Variants in PLCH1 observed in about 807,000 individuals in gnomAD.
PLCH1 encodes phospholipase C eta 1, also known as 1-phosphatidylinositol 4,5-bisphosphate phosphodiesterase eta-1.
In PLCH1, 60 loss-of-function variants were observed where a neutral mutation model predicts 126.7. The observed-to-expected ratio is 0.47, with a 90% CI of 0.38 to 0.59. The LOEUF is 0.59. Ranked by LOEUF, PLCH1 falls within the 20% of genes least tolerant of loss-of-function variation. The probability of loss-of-function intolerance (pLI) is 0.00; values close to 1 mark genes in which losing one functional copy is unlikely to be tolerated. For missense variants in PLCH1, 1,723 were observed against 2,040.0 expected, an observed-to-expected ratio of 0.84 and a Z score of 2.99; for synonymous variants, 719 against 734.9, an observed-to-expected ratio of 0.98 and a Z score of 0.35.
intron 21 of PLCH1, among the ~76,000 whole-genome samples, chr3:155,455,777 C>A (rs1449265374): frequency 2.6e-5 from 4 of 152,166 alleles, no homozygotes; most frequent in African/African-American, 7.2e-5. Context: ...ACACTTTCTC[C>A]AATTTTGTTT....
chr3:155,610,385 AAAAAC>A (rs1482359490), intron 2 of PLCH1, among the ~76,000 whole-genome samples: 5 of 150,246 alleles, frequency 3.3e-5, no homozygotes, highest in African/African-American at 9.8e-5. Flanking sequence ...AAAAAAAAAA[AAAAAC>A]CATCACCTAG....
intron 2 of PLCH1, among the ~76,000 whole-genome samples, chr3:155,652,206 A>G (rs1009338409): frequency 1.3e-5 from 2 of 152,198 alleles, no homozygotes; most frequent in South Asian, 4.1e-4. Context: ...TTAATCACTC[A>G]TGCTACTGGA....
intron 10 of PLCH1, among the ~76,000 whole-genome samples, chr3:155,528,548 C>A (rs1480555813): frequency 6.6e-6 from 1 of 152,168 alleles, no homozygotes; most frequent in Non-Finnish European, 1.5e-5. Flanking sequence ...TGAAACTGTA[C>A]ACAAGACATT....
intron 12 of PLCH1, among the ~76,000 whole-genome samples, chr3:155,513,065 AC>A (rs1312619421): frequency 6.6e-6 from 1 of 152,152 alleles, no homozygotes; most frequent in Non-Finnish European, 1.5e-5. Flanking sequence ...ACAAGTAGAA[AC>A]CAGTCCTGCA....
intron 11 of PLCH1, among the ~76,000 whole-genome samples, chr3:155,521,941 C>T (rs73011590): frequency 0.081 from 12,288 of 152,206 alleles, 1,109 homozygotes; most frequent in African/African-American, 0.23. Context: ...AATCATGTTC[C>T]AAACCATCTC....
At chr3:155,560,852 T>C (rs2108495607) in intron 8 of PLCH1, among the ~76,000 whole-genome samples, 1 of 152,294 alleles carries the variant, frequency 6.6e-6, no homozygotes, top group Non-Finnish European at 1.5e-5. Flanking sequence ...AACTCCCTTT[T>C]ATCTTCAGAC....
At chr3:155,621,157 T>A (rs916246351) in intron 2 of PLCH1, among the ~76,000 whole-genome samples, 2 of 152,114 alleles carry the variant, frequency 1.3e-5, no homozygotes, top group Non-Finnish European at 2.9e-5. Context: ...CCAGCAGACC[T>A]GCAGCAGAGG....
At chr3:155,689,348 C>T (rs1745201529) in intron 2 of PLCH1, among the ~76,000 whole-genome samples, 1 of 152,096 alleles carries the variant, frequency 6.6e-6, no homozygotes, top group Non-Finnish European at 1.5e-5. Context: ...ACAATAAACA[C>T]CTAACTCTTC....
chr3:155,586,222 T>G (rs1315682815), intron 4 of PLCH1, 28 bp from the exon 5 acceptor site: 2 of 1,608,786 alleles, frequency 1.2e-6, no homozygotes, highest in Admixed American at 1.7e-5. Flanking sequence ...AAAACACCTG[T>G]GCTCTCATCA....
At chr3:155,608,031 G>A (rs1308420009) in intron 2 of PLCH1, among the ~76,000 whole-genome samples, 2 of 152,124 alleles carry the variant, frequency 1.3e-5, no homozygotes, top group Non-Finnish European at 2.9e-5. Flanking sequence ...AAACTTTCAG[G>A]TTCCCCTGGG....
intron 10 of PLCH1, among the ~76,000 whole-genome samples, chr3:155,532,118 T>G (rs564617696): frequency 5.3e-5 from 8 of 152,280 alleles, no homozygotes; most frequent in African/African-American, 1.9e-4. Context: ...GCTTAATCAT[T>G]TGTAGTTTTT....
At chr3:155,549,523 A>T (rs576459401) in intron 10 of PLCH1, among the ~76,000 whole-genome samples, 2 of 152,304 alleles carry the variant, frequency 1.3e-5, no homozygotes, top group South Asian at 2.1e-4. Context: ...ACTATTACAG[A>T]CTAAAATATC....
chr3:155,688,142 C>A (rs1745094621), intron 2 of PLCH1, among the ~76,000 whole-genome samples: 2 of 152,196 alleles, frequency 1.3e-5, no homozygotes, highest in South Asian at 4.1e-4. Flanking sequence ...TACAGCCCTG[C>A]TGCCATCAAT....
chr3:155,459,190 G>C (rs1712619804), intron 21 of PLCH1, among the ~76,000 whole-genome samples: 1 of 152,200 alleles, frequency 6.6e-6, no homozygotes, highest in Non-Finnish European at 1.5e-5. Flanking sequence ...GCAGTGGTTA[G>C]ATACTTATGA....
In PLCH1 at chr3:155,482,265, G is replaced by A; in HGVS notation, c.3761C>T (p.Ser1254Leu). ...LCSSPELIAL[S>L]SSETTKHATN... The stretch of plus-strand genomic sequence containing the variant: ...TGCATGTTTGGTGGTCTCAGAACTC[G>A]AGAGTGCTATCAGCTCCGGAGATGA... Residue 1254 changes from serine to leucine, a missense_variant, in exon 23 of 23, where the codon TCG becomes TTG. Ser to Leu is a moderately radical substitution (Grantham distance 145, BLOSUM62 -2). Around this residue, in one of 2 missense-constraint regions of PLCH1, gnomAD observed 947 missense variants for 977.1 expected, o/e 0.97. Coordinates refer to ENST00000460012, the MANE Select transcript of PLCH1 (RefSeq NM_014996.4). 5 of 1,614,156 alleles carry A rather than the reference G, an allele frequency of 3.1e-6. No homozygotes were observed. Among genetic ancestry groups the A allele is most frequent in the Non-Finnish European group, 4.2e-6 (5 of 1,180,006 alleles).
At chr3:155,547,500 T>G (rs7647425) in intron 10 of PLCH1, among the ~76,000 whole-genome samples, 119,866 of 139,564 alleles carry the variant, frequency 0.86, 52,699 homozygotes, top group Middle Eastern at 0.98. Flanking sequence ...CAGGGATCTA[T>G]AACTAGAAAT....
chr3:155,545,443 G>A (rs1266167609), intron 10 of PLCH1, among the ~76,000 whole-genome samples: 12 of 148,018 alleles, frequency 8.1e-5, no homozygotes, highest in East Asian at 4.0e-4. Context: ...ATTCAAAGCC[G>A]AATTCTACCA....
At chr3:155,602,799 A>G (rs1242492719) in intron 2 of PLCH1, among the ~76,000 whole-genome samples, 3 of 152,132 alleles carry the variant, frequency 2.0e-5, no homozygotes, top group Admixed American at 6.5e-5. Flanking sequence ...ACATGACTAT[A>G]AATATATAAA....
At chr3:155,702,935 C>T (rs1364422701) in intron 2 of PLCH1, among the ~76,000 whole-genome samples, 1 of 152,164 alleles carries the variant, frequency 6.6e-6, no homozygotes, top group African/African-American at 2.4e-5. Flanking sequence ...GCCATTCCCA[C>T]GCCTCCTCTG....
Sources: gnomAD v4.1 joint callset for allele counts (sites outside exome capture counted in the v4.1 genomes callset) on GRCh38, gnomAD v4.1.1 for gene constraint, gnomAD v4.1.1 regional missense constraint, MANE v1.5 for transcripts, NCBI Gene and HGNC (gene_info 2026-07-23, HGNC 2026-07-21) for gene names.